The following C12orf42 variants were observed in gnomAD, a reference collection of about 807,000 sequenced individuals.
The protein encoded by C12orf42 is chromosome 12 open reading frame 42, also known as uncharacterized protein C12orf42.
C12orf42 carries 25 observed loss-of-function variants against 21.6 expected under a neutral mutation model. The observed-to-expected ratio is 1.16, with a 90% CI of 0.84 to 1.62. The LOEUF is 1.62. Ranked by LOEUF, C12orf42 falls within the 40% of genes most tolerant of loss-of-function variation. The pLI is 0.00. For missense variants in C12orf42, 483 were observed against 459.3 expected, an observed-to-expected ratio of 1.05 and a Z score of -0.47; for synonymous variants, 174 against 175.0, an observed-to-expected ratio of 0.99 and a Z score of 0.05.
At chr12:103,340,085 C>A (rs745415606) in intron 4 of C12orf42, among the ~76,000 whole-genome samples, 1 of 152,136 alleles carries the variant, frequency 6.6e-6, no homozygotes. Flanking sequence ...AGGGAGGGAA[C>A]CATGGCAGAG....
chr12:103,113,389 G>T, the C12orf42 span, among the ~76,000 whole-genome samples: 3 of 152,198 alleles, frequency 2.0e-5, no homozygotes, highest in Non-Finnish European at 4.4e-5. Flanking sequence ...GTGTTTGGGG[G>T]CTGAGGCTTC....
intron 4 of C12orf42, among the ~76,000 whole-genome samples, chr12:103,368,274 C>T (rs2044808240): frequency 1.3e-5 from 2 of 150,246 alleles, no homozygotes; most frequent in Admixed American, 1.3e-4. Context: ...TTCTACTATT[C>T]TCTCTCTTTA....
the C12orf42 span, among the ~76,000 whole-genome samples, chr12:103,555,907 C>G: frequency 2.6e-5 from 4 of 152,204 alleles, no homozygotes; most frequent in Admixed American, 2.6e-4. Context: ...ACACTTCTCA[C>G]CTGTCCTGTG....
At chr12:103,492,068 C>A (rs1343535678) in intron 1 of C12orf42, among the ~76,000 whole-genome samples, 2 of 152,220 alleles carry the variant, frequency 1.3e-5, no homozygotes, top group East Asian at 3.9e-4. Flanking sequence ...GTGATTCTCA[C>A]GCTTCAGCCT....
the C12orf42 span, among the ~76,000 whole-genome samples, chr12:103,227,111 A>G: frequency 2.0e-5 from 3 of 152,090 alleles, no homozygotes; most frequent in African/African-American, 7.2e-5. Context: ...GTTTTTGAGA[A>G]CACAGGCCAA....
chr12:103,560,768 C>A, the C12orf42 span, among the ~76,000 whole-genome samples: 1 of 152,190 alleles, frequency 6.6e-6, no homozygotes, highest in African/African-American at 2.4e-5. Flanking sequence ...CATGACTCAT[C>A]TTTATGGGGG....
At chr12:103,507,748 G>T in the C12orf42 span, among the ~76,000 whole-genome samples, 1 of 152,044 alleles carries the variant, frequency 6.6e-6, no homozygotes, top group Non-Finnish European at 1.5e-5. Context: ...TTAGCAAGCT[G>T]TTCCATTCAT....
the C12orf42 span, among the ~76,000 whole-genome samples, chr12:103,536,335 T>C: frequency 1.3e-5 from 2 of 152,148 alleles, no homozygotes; most frequent in Non-Finnish European, 2.9e-5. Flanking sequence ...TTTGGCTCTC[T>C]AAGTGGTAAT....
At chr12:103,562,122 G>A in the C12orf42 span, among the ~76,000 whole-genome samples, 27 of 152,278 alleles carry the variant, frequency 1.8e-4, no homozygotes, top group African/African-American at 4.1e-4. Flanking sequence ...GTTCCTTTCC[G>A]TAAAGCTATA....
the C12orf42 span, among the ~76,000 whole-genome samples, chr12:103,218,467 A>G: frequency 6.6e-6 from 1 of 152,174 alleles, no homozygotes; most frequent in Admixed American, 6.5e-5. Flanking sequence ...TGACCTCTCT[A>G]GTACTGAGCA....
chr12:103,352,280 G>T (rs1366971015), intron 4 of C12orf42, among the ~76,000 whole-genome samples: 1 of 152,132 alleles, frequency 6.6e-6, no homozygotes, highest in East Asian at 1.9e-4. Flanking sequence ...GAGAAAAAGA[G>T]AATTCTCGCT....
the C12orf42 span, among the ~76,000 whole-genome samples, chr12:103,560,162 C>A: frequency 6.6e-6 from 1 of 152,168 alleles, no homozygotes; most frequent in Non-Finnish European, 1.5e-5. Flanking sequence ...TTAATGTCCC[C>A]ATTTTATAGA....
chr12:103,147,623 C>CTTTT, the C12orf42 span, among the ~76,000 whole-genome samples: 21,663 of 98,706 alleles, frequency 0.22, 2,944 homozygotes, highest in Admixed American at 0.27. Flanking sequence ...TTCTCTCTCT[C>CTTTT]TTTTTTTTTT....
the C12orf42 span, among the ~76,000 whole-genome samples, chr12:103,224,309 C>T: frequency 6.6e-6 from 1 of 152,018 alleles, no homozygotes; most frequent in Non-Finnish European, 1.5e-5. Context: ...GAAGTTATTT[C>T]CTTGAGGATA....
At chr12:103,395,363 TCTCA>T (rs2047433126) in intron 3 of C12orf42, among the ~76,000 whole-genome samples, 1 of 146,802 alleles carries the variant, frequency 6.8e-6, no homozygotes, top group Non-Finnish European at 1.5e-5. Flanking sequence ...TGAGACGGAG[TCTCA>T]CTCTGTCGCC....
At chr12:103,474,406 ATC>A (rs1331521037) in intron 2 of C12orf42, among the ~76,000 whole-genome samples, 1 of 150,090 alleles carries the variant, frequency 6.7e-6, no homozygotes, top group Non-Finnish European at 1.5e-5. Flanking sequence ...TATATTCTTG[ATC>A]TCTGTCTCTA....
chr12:103,134,093 A>G, the C12orf42 span, among the ~76,000 whole-genome samples: 5 of 152,206 alleles, frequency 3.3e-5, no homozygotes, highest in East Asian at 1.9e-4. Context: ...TATCATAGAT[A>G]CCTCTTCAGG....
the C12orf42 span, among the ~76,000 whole-genome samples, chr12:103,186,752 C>A: frequency 6.6e-6 from 1 of 152,076 alleles, no homozygotes; most frequent in Non-Finnish European, 1.5e-5. Context: ...CACCTGGAAC[C>A]CAGTGGCCTT....
At chr12:103,438,060 G>T (rs1452416562) in intron 2 of C12orf42, among the ~76,000 whole-genome samples, 1 of 150,316 alleles carries the variant, frequency 6.7e-6, no homozygotes. Context: ...TATCCACCAA[G>T]ATCAAGCGGG....
Sources: gnomAD v4.1 joint callset for allele counts (sites outside exome capture counted in the v4.1 genomes callset) on GRCh38, gnomAD v4.1.1 for gene constraint, MANE v1.5 for transcripts, NCBI Gene and HGNC (gene_info 2026-07-23, HGNC 2026-07-21) for gene names.